The following NALF1 variants were observed in gnomAD, a reference collection of about 807,000 sequenced individuals.
NALF1 encodes NALCN channel auxiliary factor 1.
A neutral mutation model predicts 48.4 loss-of-function variants in NALF1; 3 were observed. That is an observed-to-expected ratio of 0.06 (90% CI 0.03 to 0.16). NALF1 has a LOEUF of 0.16. NALF1 is among the 10% of genes least tolerant of loss of function. The probability of loss-of-function intolerance (pLI) is 1.00; values close to 1 mark genes in which losing one functional copy is unlikely to be tolerated. For missense variants in NALF1, 526 were observed against 571.5 expected, an observed-to-expected ratio of 0.92 and a Z score of 0.81; for synonymous variants, 262 against 245.7, an observed-to-expected ratio of 1.07 and a Z score of -0.62.
At chr13:107,600,794 T>C (rs889559157) in intron 1 of NALF1, among the ~76,000 whole-genome samples, 6 of 152,230 alleles carry the variant, frequency 3.9e-5, no homozygotes, top group Non-Finnish European at 7.3e-5. Context: ...ATTAGTACTT[T>C]GAAATATTCC....
At chr13:107,453,388 AC>A (rs1181168276) in intron 1 of NALF1, among the ~76,000 whole-genome samples, 1 of 152,126 alleles carries the variant, frequency 6.6e-6, no homozygotes, top group Non-Finnish European at 1.5e-5. Flanking sequence ...CAGGGCTAAC[AC>A]CACATGGAAG....
At chr13:107,440,941 C>A (rs76953478) in intron 1 of NALF1, among the ~76,000 whole-genome samples, 6,905 of 152,194 alleles carry the variant, frequency 0.045, 187 homozygotes, top group Non-Finnish European at 0.072. Flanking sequence ...TTAACCAAAG[C>A]AAGCTGGTCA....
chr13:107,434,727 T>A (rs9583175), intron 1 of NALF1, among the ~76,000 whole-genome samples: 55,293 of 152,134 alleles, frequency 0.36, 10,418 homozygotes, highest in African/African-American at 0.47. Context: ...TAAAAGACTG[T>A]AATATCCTCT....
chr13:107,573,472 T>C (rs1241089783), intron 1 of NALF1, among the ~76,000 whole-genome samples: 1 of 152,136 alleles, frequency 6.6e-6, no homozygotes, highest in Non-Finnish European at 1.5e-5. Context: ...TTACCAATGT[T>C]CTCAGCTAAA....
At chr13:107,775,337 A>G (rs967318903) in intron 1 of NALF1, among the ~76,000 whole-genome samples, 3 of 149,740 alleles carry the variant, frequency 2.0e-5, no homozygotes, top group African/African-American at 7.4e-5. Flanking sequence ...TAGTTTACTG[A>G]GAATGATGAT....
At chr13:107,328,133 A>ATCCTGAGC (rs749980070) in intron 1 of NALF1, among the ~76,000 whole-genome samples, 1 of 151,970 alleles carries the variant, frequency 6.6e-6, no homozygotes, top group Admixed American at 6.6e-5. Flanking sequence ...GCCCAGGCTG[A>ATCCTGAGC]TCCTGAGCTC....
chr13:107,730,590 TTCAG>T (rs929972553), intron 1 of NALF1, among the ~76,000 whole-genome samples: 1 of 152,204 alleles, frequency 6.6e-6, no homozygotes, highest in Non-Finnish European at 1.5e-5. Flanking sequence ...TAAGAAGACA[TTCAG>T]TATTTCATTG....
At chr13:107,312,102 G>A (rs924440193) in intron 1 of NALF1, among the ~76,000 whole-genome samples, 1 of 152,144 alleles carries the variant, frequency 6.6e-6, no homozygotes, top group Non-Finnish European at 1.5e-5. Context: ...AAATCATGCT[G>A]CTATAAAGAC....
chr13:107,762,306 C>A (rs1877285609), intron 1 of NALF1, among the ~76,000 whole-genome samples: 1 of 151,754 alleles, frequency 6.6e-6, no homozygotes, highest in South Asian at 2.1e-4. Flanking sequence ...TGTGAGAGCA[C>A]ATATTGGGTG....
chr13:107,769,459 A>G (rs1448839465), intron 1 of NALF1, among the ~76,000 whole-genome samples: 1 of 145,022 alleles, frequency 6.9e-6, no homozygotes, highest in East Asian at 2.1e-4. Context: ...CAAACACCGC[A>G]TATTCTCACT....
intron 1 of NALF1, among the ~76,000 whole-genome samples, chr13:107,489,678 A>G (rs146098773): frequency 4.5e-4 from 68 of 152,314 alleles, no homozygotes; most frequent in African/African-American, 1.6e-3. Flanking sequence ...CTGGAAGATA[A>G]CCTAGGCAAT....
chr13:107,195,487 C>T (rs1411646778), intron 2 of NALF1, among the ~76,000 whole-genome samples: 4 of 152,134 alleles, frequency 2.6e-5, no homozygotes, highest in African/African-American at 9.7e-5. Flanking sequence ...TCTGTATCGC[C>T]TTTTCACGTC....
intron 1 of NALF1, among the ~76,000 whole-genome samples, chr13:107,330,691 G>C (rs1882453036): frequency 6.6e-6 from 1 of 152,158 alleles, no homozygotes; most frequent in Non-Finnish European, 1.5e-5. Flanking sequence ...GAGGGATATT[G>C]GAATAAATGT....
rs1406934449 is a variant in NALF1 at position 107,169,314 on chromosome 13, A to T, written c.*1183T>A. The T allele has an allele frequency of 1.3e-5, 2 of 152,220 alleles. No individual in the cohort carries two copies. The highest frequency in any genetic ancestry group is 4.8e-5 in the African/African-American group (2 of 41,456). 9.4% of individuals were successfully genotyped at this position (152,220 alleles called of 1,614,324 possible). ...AAACCATATGTTAGGGAAATACTGGAATAAAATTGTGTATATTCTGTATAT... is the reference window on the plus strand; with the variant it reads ...AAACCATATGTTAGGGAAATACTGGTATAAAATTGTGTATATTCTGTATAT... On this transcript the variant is annotated 3_prime_UTR_variant, in exon 3 of 3. Coordinates refer to ENST00000375915, the MANE Select transcript of NALF1 (RefSeq NM_001080396.3).
At chr13:107,443,468 C>A (rs923792283) in intron 1 of NALF1, among the ~76,000 whole-genome samples, 1 of 152,138 alleles carries the variant, frequency 6.6e-6, no homozygotes, top group Admixed American at 6.5e-5. Flanking sequence ...CCACCCACCT[C>A]GGCCTCCCAT....
At chr13:107,397,670 C>A (rs542512454) in intron 1 of NALF1, among the ~76,000 whole-genome samples, 106 of 152,000 alleles carry the variant, frequency 7.0e-4, no homozygotes, top group Admixed American at 9.2e-4. Context: ...AGAGGTAGGG[C>A]CTTGAGTTCA....
rs758840665 is a variant in NALF1 at position 107,866,391 on chromosome 13, T to C, written c.206A>G (p.Asp69Gly). ...CAEAKLTRAR[D>G]KEHQQQQRQQ... Reference sequence around the variant, plus strand: ...CCGCTGCTGCTGCTGGTGCTCCTTGTCCCGGGCCCGGGTCAGCTTGGCCTC... The same window carrying C: ...CCGCTGCTGCTGCTGGTGCTCCTTGCCCCGGGCCCGGGTCAGCTTGGCCTC... Residue 69 changes from aspartate to glycine, a missense_variant, in exon 1 of 3, where the codon GAC (aspartate) becomes GGC (glycine). By Grantham distance (94) the Asp-to-Gly change is moderately conservative. Coordinates refer to ENST00000375915, the MANE Select transcript of NALF1 (RefSeq NM_001080396.3). This position sits in a 1 kb window ranked among gnomAD's most constrained non-coding sequence, Gnocchi z 4.4. The C allele has an allele frequency of 3.7e-6, 6 of 1,613,730 alleles. No homozygotes were observed. The highest frequency in any genetic ancestry group is 4.2e-6 in the Non-Finnish European group (5 of 1,180,006).
At chr13:107,847,541 GA>G (rs1235408798) in intron 1 of NALF1, among the ~76,000 whole-genome samples, 1 of 152,198 alleles carries the variant, frequency 6.6e-6, no homozygotes, top group Non-Finnish European at 1.5e-5. Flanking sequence ...GTCTTACTGA[GA>G]AACATTCCCC....
intron 1 of NALF1, among the ~76,000 whole-genome samples, chr13:107,318,289 C>T (rs1490648602): frequency 3.3e-5 from 5 of 152,002 alleles, no homozygotes; most frequent in East Asian, 1.9e-4. Flanking sequence ...TGCACAATTC[C>T]GGCTTTAAAT....
Sources: allele counts gnomAD v4.1 joint callset (sites outside exome capture counted in the v4.1 genomes callset), GRCh38; gene constraint gnomAD v4.1.1; non-coding constraint Gnocchi (gnomAD v3.1); transcripts MANE v1.5; gene names NCBI Gene and HGNC (gene_info 2026-07-23, HGNC 2026-07-21).